The following CAMSAP2 variants were observed in gnomAD, a reference collection of about 807,000 sequenced individuals.
CAMSAP2 encodes the protein calmodulin regulated spectrin associated protein family member 2, also known as calmodulin-regulated spectrin-associated protein 2.
Under a neutral mutation model 146.1 loss-of-function variants are expected in CAMSAP2, and 26 were observed. That is an observed-to-expected ratio of 0.18 (90% CI 0.13 to 0.25). CAMSAP2 has a LOEUF of 0.25. CAMSAP2 is among the 10% of genes least tolerant of loss of function. The pLI is 1.00. For missense variants in CAMSAP2, 1,381 were observed against 1,759.3 expected, an observed-to-expected ratio of 0.78 and a Z score of 3.85; for synonymous variants, 499 against 596.6, an observed-to-expected ratio of 0.84 and a Z score of 2.38.
chr1:200,856,387 A>G lies in CAMSAP2; in HGVS notation c.4012+262A>G, dbSNP rs979723356. On this transcript the variant is annotated intron_variant, in intron 15 of 16. Transcript: ENST00000358823. The stretch of plus-strand genomic sequence containing the variant: ...CGAAGAAGTTTTAGAGAAGTTCTAC[A>G]TAGTTCCTCAGTACTGAGTAAAGGC... Among the ~76,000 whole-genome samples, 10 of 152,240 alleles carry G rather than the reference A, an allele frequency of 6.6e-5. 1 individual carries two copies. Among genetic ancestry groups the G allele is most frequent in the Non-Finnish European group, 1.2e-4 (8 of 68,040 alleles).
intron 2 of CAMSAP2, among the ~76,000 whole-genome samples, chr1:200,761,371 G>T (rs886217527): frequency 1.1e-4 from 17 of 152,136 alleles, no homozygotes; most frequent in Admixed American, 1.0e-3. Flanking sequence ...TTTTTCCGTT[G>T]TAGAGACTGG....
At position 200,848,863 on chromosome 1, in the gene CAMSAP2, T is replaced by G; in HGVS notation, c.2094T>G (p.Asn698Lys). The G allele has an allele frequency of 6.2e-7, 1 of 1,614,132 alleles. No individual in the cohort carries two copies. The highest frequency in any genetic ancestry group is 8.5e-7 in the Non-Finnish European group (1 of 1,180,006). ...SFAEQKFRKL[N>K]HTDGKSSGSS... is the part of the protein sequence containing the mutation. ...CTGAACAAAAATTCAGGAAACTGAATCATACCGATGGAAAAAGTAGTGGAA... is the reference window on the plus strand; with the variant it reads ...CTGAACAAAAATTCAGGAAACTGAAGCATACCGATGGAAAAAGTAGTGGAA... Residue 698 changes from asparagine to lysine, a missense_variant, in exon 11 of 17, where the codon AAT becomes AAG. Coordinates refer to ENST00000358823, the MANE Select transcript of CAMSAP2 (RefSeq NM_203459.4).
chr1:200,842,139 T>G (rs905385460), intron 7 of CAMSAP2, 52 bp downstream of exon 7: 1 of 1,343,542 alleles, frequency 7.4e-7, no homozygotes, highest in African/African-American at 1.4e-5. Flanking sequence ...AAAAATGGAA[T>G]GTTGATATAA....
intron 3 of CAMSAP2, among the ~76,000 whole-genome samples, chr1:200,810,421 T>C (rs1436428520): frequency 1.3e-5 from 2 of 151,712 alleles, no homozygotes; most frequent in Admixed American, 6.6e-5. Context: ...TCTGAAAATA[T>C]AGTAATTAGC....
At chr1:200,855,382 T>C (rs1350210678) in intron 14 of CAMSAP2, among the ~76,000 whole-genome samples, 2 of 150,300 alleles carry the variant, frequency 1.3e-5, no homozygotes, top group Non-Finnish European at 1.5e-5. Flanking sequence ...ATTTTATTAC[T>C]TTATACTATA....
intron 14 of CAMSAP2, among the ~76,000 whole-genome samples, chr1:200,855,685 C>G (rs1343888818): frequency 1.3e-5 from 2 of 152,008 alleles, no homozygotes; most frequent in African/African-American, 4.8e-5. Context: ...CAACCCCTGC[C>G]TCCTGGCTTC....
At chr1:200,816,577 A>G (rs969291476) in intron 4 of CAMSAP2, among the ~76,000 whole-genome samples, 13 of 138,348 alleles carry the variant, frequency 9.4e-5, no homozygotes, top group African/African-American at 3.4e-4. Flanking sequence ...CTGGGCAATA[A>G]GAGCAAAACT....
chr1:200,835,068 G>A (rs1254070269), intron 6 of CAMSAP2, among the ~76,000 whole-genome samples: 2 of 152,230 alleles, frequency 1.3e-5, no homozygotes, highest in African/African-American at 4.8e-5. Context: ...CAACCCCCAT[G>A]TATGCAGTTT....
chr1:200,804,953 G>A (rs1666134142), intron 2 of CAMSAP2, among the ~76,000 whole-genome samples: 1 of 152,118 alleles, frequency 6.6e-6, no homozygotes, highest in Non-Finnish European at 1.5e-5. Context: ...CACAGGTTTG[G>A]ACAAATTGCA....
chr1:200,807,809 C>T (rs1226689942), intron 3 of CAMSAP2, among the ~76,000 whole-genome samples: 1 of 146,330 alleles, frequency 6.8e-6, no homozygotes, highest in Non-Finnish European at 1.5e-5. Context: ...GGCATGATCT[C>T]GGCTCACTGC....
chr1:200,839,089 G>A (rs1254895833), intron 6 of CAMSAP2, among the ~76,000 whole-genome samples: 1 of 152,204 alleles, frequency 6.6e-6, no homozygotes, highest in Non-Finnish European at 1.5e-5. Flanking sequence ...ATATATAAGT[G>A]CAGTCAGTAC....
intron 1 of CAMSAP2, among the ~76,000 whole-genome samples, chr1:200,758,976 A>G (rs946416719): frequency 1.3e-5 from 2 of 152,184 alleles, no homozygotes; most frequent in African/African-American, 4.8e-5. Context: ...TAAATACCAG[A>G]TTGTTCCAAA....
At chr1:200,773,677 G>A (rs1665183188) in intron 2 of CAMSAP2, among the ~76,000 whole-genome samples, 1 of 152,096 alleles carries the variant, frequency 6.6e-6, no homozygotes, top group African/African-American at 2.4e-5. Flanking sequence ...GAGTAATAAT[G>A]TTCTCCTAGT....
At chr1:200,754,656 C>T in intron 1 of CAMSAP2, among the ~76,000 whole-genome samples, 1 of 143,294 alleles carries the variant, frequency 7.0e-6, no homozygotes, top group African/African-American at 2.6e-5. Flanking sequence ...GACCTCGGCT[C>T]AGTGCAAGCT....
At chr1:200,827,032 A>G (rs1206904647) in intron 4 of CAMSAP2, among the ~76,000 whole-genome samples, 2 of 152,218 alleles carry the variant, frequency 1.3e-5, no homozygotes, top group Non-Finnish European at 2.9e-5. Context: ...AACTTATGCT[A>G]TGTATTTGAG....
chr1:200,764,019 C>T (rs894037435), intron 2 of CAMSAP2, among the ~76,000 whole-genome samples: 6 of 151,888 alleles, frequency 4.0e-5, no homozygotes, highest in Non-Finnish European at 5.9e-5. Flanking sequence ...TGCAGTGAGC[C>T]GAGATTGCGC....
At chr1:200,750,443 A>G (rs963663222) in intron 1 of CAMSAP2, among the ~76,000 whole-genome samples, 8 of 152,088 alleles carry the variant, frequency 5.3e-5, no homozygotes, top group Admixed American at 4.6e-4. Context: ...TTTTCAACAT[A>G]ATTTCAAATG....
chr1:200,813,077 C>T (rs1167692585), intron 3 of CAMSAP2, among the ~76,000 whole-genome samples: 2 of 152,212 alleles, frequency 1.3e-5, no homozygotes, highest in Non-Finnish European at 2.9e-5. Flanking sequence ...AATTTATAAA[C>T]AGCAGAAATT....
At chr1:200,759,444 A>C (rs1664740086) in intron 1 of CAMSAP2, among the ~76,000 whole-genome samples, 1 of 151,906 alleles carries the variant, frequency 6.6e-6, no homozygotes, top group African/African-American at 2.4e-5. Flanking sequence ...ATGCCTAGCT[A>C]ATTTTGTGTT....
Sources: allele counts gnomAD v4.1 joint callset (sites outside exome capture counted in the v4.1 genomes callset), GRCh38; gene constraint gnomAD v4.1.1; transcripts MANE v1.5; gene names NCBI Gene and HGNC (gene_info 2026-07-23, HGNC 2026-07-21).